The following GPM6A variants were observed in gnomAD, a reference collection of about 807,000 sequenced individuals.
The protein encoded by GPM6A is neuronal membrane glycoprotein M6-a.
A neutral mutation model predicts 32.1 loss-of-function variants in GPM6A; 7 were observed. The ratio of observed to expected loss-of-function variants is 0.22; its 90% confidence interval spans 0.12 to 0.41. The LOEUF (loss-of-function observed/expected upper bound fraction) is 0.41. Among genes scored for constraint, GPM6A ranks in the 10% least tolerant of loss-of-function variants. The pLI is 1.00. For missense variants in GPM6A, 235 were observed against 347.2 expected, an observed-to-expected ratio of 0.68 and a Z score of 2.57; for synonymous variants, 130 against 123.4, an observed-to-expected ratio of 1.05 and a Z score of -0.35.
At chr4:175,987,304 T>C (rs1052296106) in intron 1 of GPM6A, among the ~76,000 whole-genome samples, 11 of 152,324 alleles carry the variant, frequency 7.2e-5, no homozygotes, top group African/African-American at 2.4e-4. Flanking sequence ...TGGCTCTTAA[T>C]TCTAGCTTCT....
intron 1 of GPM6A, among the ~76,000 whole-genome samples, chr4:175,754,979 G>A (rs556127803): frequency 1.3e-5 from 2 of 151,258 alleles, no homozygotes; most frequent in Non-Finnish European, 2.9e-5. Context: ...CAACACACAC[G>A]CACACAATTA....
intron 1 of GPM6A, among the ~76,000 whole-genome samples, chr4:175,702,681 A>AT (rs1348679940): frequency 6.6e-6 from 1 of 151,906 alleles, no homozygotes; most frequent in Admixed American, 6.6e-5. Context: ...TGCCCCATTA[A>AT]TTTTTTTGTA....
chr4:175,636,924 T>C (rs1416009134), intron 6 of GPM6A, among the ~76,000 whole-genome samples: 1 of 138,100 alleles, frequency 7.2e-6, no homozygotes, highest in Non-Finnish European at 1.5e-5. Context: ...TTCTTTTCAG[T>C]ATTTCACTCA....
chr4:175,940,141 T>A (rs2126339249), intron 1 of GPM6A, among the ~76,000 whole-genome samples: 1 of 152,264 alleles, frequency 6.6e-6, no homozygotes, highest in East Asian at 1.9e-4. Flanking sequence ...ATAGGTAAGG[T>A]GACTTGGAGT....
intron 1 of GPM6A, among the ~76,000 whole-genome samples, chr4:175,988,555 C>G (rs995924511): frequency 6.6e-6 from 1 of 152,294 alleles, no homozygotes; most frequent in Middle Eastern, 3.4e-3. Flanking sequence ...CTTCAACAAC[C>G]AGCATGCAGC....
At chr4:175,940,441 C>T (rs917173533) in intron 1 of GPM6A, among the ~76,000 whole-genome samples, 2 of 151,976 alleles carry the variant, frequency 1.3e-5, no homozygotes, top group African/African-American at 4.8e-5. Context: ...ATAGCACTAT[C>T]ATATTAATCA....
At chr4:175,989,206 CTTTGT>C (rs1336319859) in intron 1 of GPM6A, among the ~76,000 whole-genome samples, 17 of 152,166 alleles carry the variant, frequency 1.1e-4, no homozygotes, top group African/African-American at 3.6e-4. Context: ...ATTCAGAATG[CTTTGT>C]TTTAATTATG....
At chr4:175,908,418 A>G (rs948497697) in intron 1 of GPM6A, among the ~76,000 whole-genome samples, 2 of 152,134 alleles carry the variant, frequency 1.3e-5, no homozygotes, top group Non-Finnish European at 1.5e-5. Flanking sequence ...GAAGACTGCC[A>G]ATATCCTACC....
At chr4:175,754,001 A>G (rs942499937) in intron 1 of GPM6A, among the ~76,000 whole-genome samples, 2 of 152,122 alleles carry the variant, frequency 1.3e-5, no homozygotes, top group South Asian at 4.1e-4. Context: ...ACTTATGTCA[A>G]TTACTCCAAC....
In GPM6A at chr4:175,797,972, G is replaced by C. The variant is rs532218975; in HGVS notation, c.37+14219C>G. Among the ~76,000 whole-genome samples, 3 of 152,194 alleles carry C rather than the reference G, an allele frequency of 2.0e-5. No individual in the cohort carries two copies. The South Asian group carries it at 6.2e-4, about 32-fold the overall frequency. On this transcript the variant is annotated intron_variant, in intron 1 of 6. Transcript: ENST00000393658. ...AGGATCCACAAAAATAGAATTACCT[G>C]AGAAAGTGCTAGAAATGCAGATTCC...
intron 1 of GPM6A, chr4:175,787,044 T>A (rs1733829820): frequency 2.2e-5 from 7 of 321,634 alleles, no homozygotes; most frequent in Admixed American, 9.7e-5. Flanking sequence ...TAGCCTATAA[T>A]CTCGGTGTTT....
intron 1 of GPM6A, among the ~76,000 whole-genome samples, chr4:175,962,681 A>G (rs943528765): frequency 6.6e-6 from 1 of 152,096 alleles, no homozygotes; most frequent in Admixed American, 6.5e-5. Context: ...ACTAGTAAAC[A>G]CGGCCTAATT....
intron 1 of GPM6A, among the ~76,000 whole-genome samples, chr4:175,817,313 T>G (rs1221348570): frequency 6.6e-6 from 1 of 152,226 alleles, no homozygotes; most frequent in Non-Finnish European, 1.5e-5. Context: ...ATTACCCCAT[T>G]TCCTTTCATT....
chr4:176,002,114 C>T (rs182983923), intron 1 of GPM6A, among the ~76,000 whole-genome samples: 11 of 152,098 alleles, frequency 7.2e-5, no homozygotes, highest in Non-Finnish European at 1.6e-4. Flanking sequence ...CAGGTGCCAC[C>T]CCATCGCCAT....
At chr4:175,713,889 T>G (rs1322404181) in intron 1 of GPM6A, among the ~76,000 whole-genome samples, 1 of 152,198 alleles carries the variant, frequency 6.6e-6, no homozygotes, top group African/African-American at 2.4e-5. Context: ...ATCTTCTAAG[T>G]TGCTTATCTT....
chr4:175,808,915 G>A (rs963225063), intron 1 of GPM6A, among the ~76,000 whole-genome samples: 4 of 152,172 alleles, frequency 2.6e-5, no homozygotes, highest in Non-Finnish European at 5.9e-5. Context: ...AATTTATGAA[G>A]ACTCCAACCT....
intron 1 of GPM6A, among the ~76,000 whole-genome samples, chr4:175,711,245 T>C (rs542189324): frequency 1.3e-5 from 2 of 151,502 alleles, no homozygotes; most frequent in South Asian, 2.1e-4. Flanking sequence ...ACCATACTAC[T>C]GGTAATTCAC....
intron 1 of GPM6A, among the ~76,000 whole-genome samples, chr4:175,702,605 C>T (rs559664618): frequency 6.6e-6 from 1 of 152,110 alleles, no homozygotes; most frequent in African/African-American, 2.4e-5. Context: ...ATCTCTGCCT[C>T]CCGAGTTCAA....
intron 1 of GPM6A, among the ~76,000 whole-genome samples, chr4:175,785,741 A>C (rs1469042676): frequency 6.6e-6 from 1 of 152,230 alleles, no homozygotes; most frequent in East Asian, 1.9e-4. Context: ...GGGTTTGAAA[A>C]ATAGATGCAG....
Sources: gnomAD v4.1 joint callset for allele counts (sites outside exome capture counted in the v4.1 genomes callset) on GRCh38, gnomAD v4.1.1 for gene constraint, MANE v1.5 for transcripts, NCBI Gene and HGNC (gene_info 2026-07-23, HGNC 2026-07-21) for gene names.